The following L3MBTL4 variants were observed in gnomAD, a reference collection of about 807,000 sequenced individuals.
L3MBTL4 encodes lethal(3)malignant brain tumor-like protein 4.
Under a neutral mutation model 84.5 loss-of-function variants are expected in L3MBTL4, and 70 were observed. The observed-to-expected ratio is 0.83, with a 90% confidence interval of 0.68 to 1.01. L3MBTL4 has a LOEUF of 1.01. L3MBTL4 is among the 50% of genes least tolerant of loss of function. The probability of loss-of-function intolerance (pLI) is 0.00; values close to 1 mark genes in which losing one functional copy is unlikely to be tolerated. For missense variants in L3MBTL4, 715 were observed against 754.8 expected (o/e 0.95, Z 0.62); for synonymous variants, 274 against 259.8 (o/e 1.05, Z -0.52).
chr18:6,412,594 C>T (rs567534433), intron 1 of L3MBTL4, among the ~76,000 whole-genome samples: 14 of 152,158 alleles, frequency 9.2e-5, no homozygotes, highest in African/African-American at 3.4e-4. Context: ...TTTCCATCAG[C>T]AAATCTTCCT....
At chr18:6,107,463 G>T (rs1016644741) in intron 14 of L3MBTL4, among the ~76,000 whole-genome samples, 6 of 152,190 alleles carry the variant, frequency 3.9e-5, no homozygotes, top group Admixed American at 2.0e-4. Context: ...ATGGGGACAG[G>T]ACCTGGACAG....
At position 5,955,341 on chromosome 18, in the gene L3MBTL4, T is replaced by C. The variant is rs182925775; in HGVS notation, c.*879A>G. ...AGCCCCAGATGTAATATAACACAGC[T>C]CCTTATTACAGGGGTTCTGGCAGAC... On this transcript the variant is annotated 3_prime_UTR_variant, in exon 19 of 19. Transcript: ENST00000317931. 1.3e-5 allele frequency: 2 copies of C among 152,226 alleles called. No homozygotes were observed. The highest frequency in any genetic ancestry group is 2.9e-5 in the Non-Finnish European group (2 of 68,070). 9.4% of individuals were successfully genotyped at this position (152,226 alleles called of 1,614,324 possible).
At chr18:6,253,298 G>GCTCT (rs1278217409) in intron 5 of L3MBTL4, among the ~76,000 whole-genome samples, 1 of 152,204 alleles carries the variant, frequency 6.6e-6, no homozygotes. Context: ...TTCACAAATT[G>GCTCT]CTCTGTTTGC....
At chr18:6,313,507 A>G (rs1568476756) in intron 1 of L3MBTL4, among the ~76,000 whole-genome samples, 1 of 152,248 alleles carries the variant, frequency 6.6e-6, no homozygotes, top group Non-Finnish European at 1.5e-5. Context: ...ATTCAATAAC[A>G]TTACATTCAT....
At chr18:6,236,157 G>A (rs563369337) in intron 10 of L3MBTL4, among the ~76,000 whole-genome samples, 20 of 152,282 alleles carry the variant, frequency 1.3e-4, no homozygotes, top group African/African-American at 4.8e-4. Context: ...AAAGAACGGT[G>A]CTGGAGGACT....
intron 14 of L3MBTL4, among the ~76,000 whole-genome samples, chr18:6,122,604 T>C (rs2059566334): frequency 6.6e-6 from 1 of 152,200 alleles, no homozygotes; most frequent in East Asian, 1.9e-4. Flanking sequence ...TCCCCAGCCA[T>C]GTGGAACTGT....
At chr18:6,110,609 G>C (rs1490148076) in intron 14 of L3MBTL4, among the ~76,000 whole-genome samples, 2 of 140,466 alleles carry the variant, frequency 1.4e-5, no homozygotes, top group African/African-American at 5.1e-5. Context: ...TGTGGCATGG[G>C]GGGGTGGGTG....
chr18:6,166,668 C>T (rs1047548704), intron 13 of L3MBTL4, among the ~76,000 whole-genome samples: 3 of 152,094 alleles, frequency 2.0e-5, no homozygotes, highest in Non-Finnish European at 2.9e-5. Context: ...CTCTGGGACA[C>T]ATTCAAAGCA....
intron 15 of L3MBTL4, among the ~76,000 whole-genome samples, chr18:6,081,887 AC>A (rs2058089076): frequency 6.6e-6 from 1 of 152,188 alleles, no homozygotes; most frequent in African/African-American, 2.4e-5. Context: ...AATCATCAAG[AC>A]TTTTTATCAA....
intron 16 of L3MBTL4, among the ~76,000 whole-genome samples, chr18:5,986,678 T>C (rs1288609129): frequency 6.6e-6 from 1 of 152,242 alleles, no homozygotes; most frequent in East Asian, 1.9e-4. Context: ...ATTGGGGAAC[T>C]GCCTGAGTGA....
intron 14 of L3MBTL4, among the ~76,000 whole-genome samples, chr18:6,135,104 A>G (rs181469153): frequency 1.3e-5 from 2 of 152,304 alleles, no homozygotes; most frequent in Non-Finnish European, 2.9e-5. Context: ...GGAAGCTGCC[A>G]AGGCTTGGGA....
At chr18:6,062,350 T>A (rs1480565682) in intron 16 of L3MBTL4, among the ~76,000 whole-genome samples, 3 of 152,044 alleles carry the variant, frequency 2.0e-5, no homozygotes, top group Non-Finnish European at 4.4e-5. Context: ...GTAATTCTTA[T>A]CACTGCTCCT....
intron 1 of L3MBTL4, among the ~76,000 whole-genome samples, chr18:6,351,878 G>T (rs897895413): frequency 1.3e-5 from 2 of 151,804 alleles, no homozygotes; most frequent in Non-Finnish European, 2.9e-5. Context: ...AAGAGACAGG[G>T]TCTCAATATG....
chr18:6,168,139 AAGG>A (rs2145145739), intron 13 of L3MBTL4, among the ~76,000 whole-genome samples: 1 of 152,320 alleles, frequency 6.6e-6, no homozygotes, highest in Non-Finnish European at 1.5e-5. Context: ...GGACCTCTTC[AAGG>A]AGAACTACAA....
chr18:6,361,795 G>A (rs1256301947), intron 1 of L3MBTL4, among the ~76,000 whole-genome samples: 1 of 152,024 alleles, frequency 6.6e-6, no homozygotes, highest in African/African-American at 2.4e-5. Context: ...TTCTCTAGTG[G>A]GCCTCTGCTC....
chr18:6,276,171 G>A (rs927888645), intron 4 of L3MBTL4, among the ~76,000 whole-genome samples: 5 of 152,120 alleles, frequency 3.3e-5, no homozygotes, highest in Non-Finnish European at 5.9e-5. Context: ...GAGGTGTCCC[G>A]CCTTTCCAGA....
intron 10 of L3MBTL4, among the ~76,000 whole-genome samples, chr18:6,222,775 A>G (rs934202069): frequency 2.0e-5 from 3 of 152,002 alleles, no homozygotes; most frequent in African/African-American, 7.2e-5. Context: ...CAATTCATTA[A>G]TTAATAATTT....
intron 12 of L3MBTL4, among the ~76,000 whole-genome samples, chr18:6,197,329 G>A (rs1052070884): frequency 2.0e-5 from 3 of 152,116 alleles, no homozygotes; most frequent in African/African-American, 7.2e-5. Flanking sequence ...TGTTCTCATT[G>A]TTCAGCTCCC....
chr18:6,031,678 C>G, intron 16 of L3MBTL4: 1 of 984,184 alleles, frequency 1.0e-6, no homozygotes, highest in Non-Finnish European at 1.2e-6. Flanking sequence ...CATCCTCCAG[C>G]AGGTCAGCCC....
Sources: allele counts gnomAD v4.1 joint callset (sites outside exome capture counted in the v4.1 genomes callset), GRCh38; gene constraint gnomAD v4.1.1; transcripts MANE v1.5; gene names NCBI Gene and HGNC (gene_info 2026-07-23, HGNC 2026-07-21).